Variants in LRRC19 observed in about 807,000 individuals in gnomAD.
The protein encoded by LRRC19 is leucine-rich repeat-containing protein 19.
Under a neutral mutation model 33.3 loss-of-function variants are expected in LRRC19, and 33 were observed. The observed-to-expected ratio is 0.99, with a 90% CI of 0.75 to 1.33. The LOEUF (loss-of-function observed/expected upper bound fraction) is 1.33, where lower values mean the gene tolerates loss of function less well. Ranked by LOEUF, LRRC19 falls within the 40% of genes most tolerant of loss-of-function variation. The pLI, the probability that LRRC19 is intolerant of heterozygous loss-of-function variation, is 0.00. For synonymous variants in LRRC19, 184 were observed against 152.3 expected (o/e 1.21, Z -1.53); for missense variants, 463 against 417.3 (o/e 1.11, Z -0.95).
chr9:26,995,815 A>G lies in LRRC19; in HGVS notation c.819T>C (p.Leu273=). The G allele has an allele frequency of 1.2e-6, 2 of 1,606,826 alleles. No homozygotes were observed. The highest frequency in any genetic ancestry group is 1.7e-5 in the Admixed American group (1 of 59,036). ...TCAGTACAGTGACAACAACACCAAC[A>G]AGAAAAGCCCAACTTTTTCCAAGAG... is the stretch of plus-strand genomic sequence containing the variant. ...HEPLGKSWAF[L]VGVVVTVLTT... is the part of the protein sequence containing the mutation. The change falls in exon 5 of 5, where the codon CTT becomes CTC. Residue 273 remains leucine (L), a synonymous_variant. Transcript: ENST00000380055.
rs764167620 is a variant in LRRC19, at chr9:26,995,783, G to A, written c.851C>T (p.Ser284Leu). ...VGVVVTVLTT[S>L]LLIFIAIKCP... ...TTTGATAGCAATAAAAATGAGAAGT[G>A]AAGTCGTCAGTACAGTGACAACAAC... is the stretch of plus-strand genomic sequence containing the variant. The change falls in exon 5 of 5, where the codon TCA (serine) becomes TTA (leucine). Residue 284 changes from serine (S) to leucine (L), a missense_variant. Physicochemically the swap from Ser to Leu is moderately radical, Grantham distance 145. Coordinates refer to ENST00000380055, the MANE Select transcript of LRRC19 (RefSeq NM_022901.3). The A allele has an allele frequency of 1.9e-6, 3 of 1,613,642 alleles. No homozygotes were observed. Among genetic ancestry groups the A allele is most frequent in the African/African-American group, 2.7e-5 (2 of 74,886 alleles).
At position 26,994,208 on chromosome 9, in the gene LRRC19, G is replaced by A. The variant is rs1302235180; in HGVS notation, c.*1313C>T. ...TACTTTGCTCTTGAATAATCAGAGAGCAGTTTAGCTTAGTAAAGTTTTACA... is the reference window on the plus strand; with the variant it reads ...TACTTTGCTCTTGAATAATCAGAGAACAGTTTAGCTTAGTAAAGTTTTACA... On this transcript the variant is annotated 3_prime_UTR_variant, in exon 5 of 5. Coordinates refer to ENST00000380055, the MANE Select transcript of LRRC19 (RefSeq NM_022901.3). The A allele has an allele frequency of 6.6e-6, 1 of 152,114 alleles. No homozygotes were observed. The highest frequency in any genetic ancestry group is 1.5e-5 in the Non-Finnish European group (1 of 68,022). 9.4% of individuals were successfully genotyped at this position (152,114 alleles called of 1,614,324 possible).
In LRRC19 at chr9:26,998,048, C is replaced by T. The variant is rs1828260159; in HGVS notation, c.275G>A (p.Gly92Asp). ...ENKVTILHNN[G>D]FGNLSSLEIL... ...TTCTAGACTGGAGAGGTTACCAAAA[C>T]CGTTATTATGTAAGATAGTAACCTT... The change falls in exon 3 of 5, where the codon GGT (glycine) becomes GAT (aspartate). Residue 92 changes from glycine to aspartate, a missense_variant. By Grantham distance (94) the Gly-to-Asp change is moderately conservative. Coordinates refer to ENST00000380055, the MANE Select transcript of LRRC19 (RefSeq NM_022901.3). 3 of 1,613,340 alleles carry T rather than the reference C, an allele frequency of 1.9e-6. No individual in the cohort carries two copies. The South Asian group carries it at 3.3e-5, about 18-fold the overall frequency.
At chr9:26,996,933 G>A (rs1227987816) in intron 3 of LRRC19, among the ~76,000 whole-genome samples, 5 of 152,104 alleles carry the variant, frequency 3.3e-5, no homozygotes, top group African/African-American at 9.7e-5. Context: ...ATTTCTGGCC[G>A]GGCGCAGAGG....
At chr9:27,005,096 A>G (rs1354593800) in intron 1 of LRRC19, among the ~76,000 whole-genome samples, 1 of 152,304 alleles carries the variant, frequency 6.6e-6, no homozygotes, top group African/African-American at 2.4e-5. Context: ...ATAATACACA[A>G]TTAACTTTGT....
At chr9:27,002,185 G>A (rs1174821374) in intron 1 of LRRC19, among the ~76,000 whole-genome samples, 1 of 152,142 alleles carries the variant, frequency 6.6e-6, no homozygotes, top group East Asian at 1.9e-4. Flanking sequence ...AGGCTGGAGT[G>A]CAGTGATGCC....
At chr9:27,000,257 C>G (rs1354154774) in intron 1 of LRRC19, among the ~76,000 whole-genome samples, 4 of 151,996 alleles carry the variant, frequency 2.6e-5, no homozygotes, top group African/African-American at 9.7e-5. Context: ...GTTTCTAGAT[C>G]TCATGAAAGG....
chr9:27,001,215 A>C (rs10967653), intron 1 of LRRC19, among the ~76,000 whole-genome samples: 2,193 of 152,096 alleles, frequency 0.014, 56 homozygotes, highest in African/African-American at 0.049. Context: ...GTTGATGGGC[A>C]CTTAGGTTGA....
intron 3 of LRRC19, 77 bp from the exon 4 acceptor site, chr9:26,996,576 A>G (rs1828172064): frequency 9.7e-7 from 1 of 1,033,612 alleles, no homozygotes; most frequent in Admixed American, 3.7e-5. Context: ...TTTTATCTAG[A>G]ATTTTTGACA....
In LRRC19 at chr9:26,995,546, AT is replaced by A. The variant is rs1563958694; in HGVS notation, c.1087del (p.Ile363SerfsTer26). The A allele has an allele frequency of 1.3e-6, 2 of 1,568,650 alleles. No homozygotes were observed. The highest frequency in any genetic ancestry group is 1.9e-5 in the Admixed American group (1 of 54,014). On this transcript the variant is annotated frameshift_variant, in exon 5 of 5. Coordinates refer to ENST00000380055, the MANE Select transcript of LRRC19 (RefSeq NM_022901.3). LOFTEE classifies it high-confidence loss of function. ...TTAATTTTCTTCACATAATTCATGG[AT>A]ATCTATATATTTGTCTTCAATAAAT... ...DGFIEDKYID[I>X]HELCEEN
intron 4 of LRRC19, among the ~76,000 whole-genome samples, 180 bp from the exon 5 acceptor site, chr9:26,996,029 T>G (rs922154492): frequency 6.6e-6 from 1 of 152,202 alleles, no homozygotes; most frequent in African/African-American, 2.4e-5. Flanking sequence ...TGTTTGCAAT[T>G]TTGTTACCCT....
At position 27,005,573 on chromosome 9, in the gene LRRC19, A is replaced by T. The variant is rs1156665561; in HGVS notation, c.-10+19T>A. On this transcript the variant is annotated intron_variant, in intron 1 of 4. Transcript: ENST00000380055. ...AAAAAATACAACAATAACCAAAGCT[A>T]TAAATATACATATCTTACCTTTTTT... is the stretch of plus-strand genomic sequence containing the variant. 1 of 152,044 alleles carries T rather than the reference A, an allele frequency of 6.6e-6. No individual in the cohort carries two copies. The highest frequency in any genetic ancestry group is 2.1e-4 in the South Asian group (1 of 4,820). 9.4% of individuals were successfully genotyped at this position (152,044 alleles called of 1,614,324 possible).
intron 1 of LRRC19, 67 bp from the exon 2 acceptor site, chr9:26,999,770 CTTTTTTT>C (rs1179000269): frequency 6.1e-4 from 209 of 339,984 alleles, no homozygotes; most frequent in South Asian, 1.5e-3. Context: ...TCTGTTTATT[CTTTTTTT>C]TTTTTTTTTT....
chr9:27,001,944 T>C (rs1267407830), intron 1 of LRRC19, among the ~76,000 whole-genome samples: 6 of 140,588 alleles, frequency 4.3e-5, no homozygotes, highest in South Asian at 4.3e-4. Flanking sequence ...TTTTTTCTCT[T>C]TTTTTTTTTT....
rs144276092 is a variant in LRRC19, at chr9:26,997,977, C to T, written c.346G>A (p.Ala116Thr). The T allele has an allele frequency of 9.0e-5, 145 of 1,613,846 alleles. 3 individuals carry two copies. The African/African-American group carries it at 1.2e-3, about 13-fold the overall frequency. Reference protein sequence around the residue: ...RNSIYVIQQGAFLGLNKLKQL... With the variant: ...RNSIYVIQQGTFLGLNKLKQL... ...TTTAGTTTATTTAAGCCTAAAAATG[C>T]ACCCTGTTGAATTACATAGATGGAG... The change falls in exon 3 of 5, where the codon GCA (alanine) becomes ACA (threonine). Residue 116 changes from alanine to threonine, a missense_variant. Ala to Thr is a moderately conservative substitution (Grantham distance 58). Transcript: ENST00000380055.
intron 1 of LRRC19, among the ~76,000 whole-genome samples, chr9:27,002,897 A>T (rs1828575703): frequency 6.6e-6 from 1 of 152,112 alleles, no homozygotes; most frequent in Admixed American, 6.6e-5. Flanking sequence ...ATATTTTAGC[A>T]ATGTTCTTCC....
intron 3 of LRRC19, among the ~76,000 whole-genome samples, chr9:26,997,227 T>A (rs1011246432): frequency 2.6e-5 from 4 of 150,992 alleles, no homozygotes; most frequent in African/African-American, 4.9e-5. Flanking sequence ...AAAAAAAAAA[T>A]TTCTTAATTT....
chr9:26,993,301 G>A lies in LRRC19; in HGVS notation c.*2220C>T, dbSNP rs1312022934. ...CATCTTATAATTAGGAAATAATTTA[G>A]CAGAATGATACATTGTTTAGAAAAA... is the stretch of plus-strand genomic sequence containing the variant. On this transcript the variant is annotated 3_prime_UTR_variant, in exon 5 of 5. Coordinates refer to ENST00000380055, the MANE Select transcript of LRRC19 (RefSeq NM_022901.3). The A allele has an allele frequency of 6.6e-6, 1 of 151,982 alleles. No individual in the cohort carries two copies. Among genetic ancestry groups the A allele is most frequent in the Non-Finnish European group, 1.5e-5 (1 of 67,974 alleles). The allele number at this position is 151,982 out of a possible 1,614,324, so 9.4% of individuals were successfully genotyped here.
Position 26,996,319 on chromosome 9 carries a change from C to T in LRRC19, c.776G>A (p.Arg259Lys). The T allele has an allele frequency of 6.3e-7, 1 of 1,580,854 alleles. No homozygotes were observed. Among genetic ancestry groups the T allele is most frequent in the Non-Finnish European group, 8.6e-7 (1 of 1,156,960 alleles). ...TAGAACCAGTATATTACCTGAATTT[C>T]TTGTTAAGTTGTTCGAAGAGCTATT... ...IFNSSSNNLT[R>K]NSEHEPLGKS... Residue 259 changes from arginine to lysine, a missense_variant, in exon 4 of 5, where the codon AGA becomes AAA. Physicochemically the swap from Arg to Lys is conservative, Grantham distance 26 (BLOSUM62 2). Coordinates refer to ENST00000380055, the MANE Select transcript of LRRC19 (RefSeq NM_022901.3).
Sources: allele counts gnomAD v4.1 joint callset (sites outside exome capture counted in the v4.1 genomes callset), GRCh38; gene constraint gnomAD v4.1.1; transcripts MANE v1.5; gene names NCBI Gene and HGNC (gene_info 2026-07-23, HGNC 2026-07-21).